The following SYNJ2 variants were observed in gnomAD, a reference collection of about 807,000 sequenced individuals.
The protein encoded by SYNJ2 is polyphosphatidylinositol phosphatase SYNJ2.
Under a neutral mutation model 141.3 loss-of-function variants are expected in SYNJ2, and 116 were observed. The ratio of observed to expected loss-of-function variants is 0.82; its 90% CI spans 0.71 to 0.96. The LOEUF (loss-of-function observed/expected upper bound fraction) is 0.96. Among genes scored for constraint, SYNJ2 ranks in the 40% least tolerant of loss-of-function variants. The probability of loss-of-function intolerance (pLI) is 0.00; values close to 1 mark genes in which losing one functional copy is unlikely to be tolerated. For synonymous variants in SYNJ2, 745 were observed against 777.7 expected, an observed-to-expected ratio of 0.96 and a Z score of 0.70; for missense variants, 1,873 against 1,934.8, an observed-to-expected ratio of 0.97 and a Z score of 0.60.
chr6:158,013,020 G>A (rs373042633), intron 1 of SYNJ2, among the ~76,000 whole-genome samples: 4 of 152,108 alleles, frequency 2.6e-5, no homozygotes, highest in African/African-American at 9.7e-5. Context: ...CCTTTTTGGG[G>A]GCACCGACCT....
At chr6:158,091,643 G>A (rs1369398768) in intron 25 of SYNJ2, among the ~76,000 whole-genome samples, 3 of 151,638 alleles carry the variant, frequency 2.0e-5, no homozygotes, top group Non-Finnish European at 2.9e-5. Context: ...CCAGTTACTC[G>A]GGAGGCTGAG....
In SYNJ2 at chr6:158,031,526, C is replaced by T. The variant is rs918254294; in HGVS notation, c.486-1929C>T. ...CACGCCAGGGCGTGGTGTTTAGGCT[C>T]AGGGTGGAGCCCCCAGAACTGACCA... On this transcript the variant is annotated intron_variant, in intron 3 of 26. Transcript: ENST00000355585. Among the ~76,000 whole-genome samples, 8 of 152,230 alleles carry T rather than the reference C, an allele frequency of 5.3e-5. No homozygotes were observed. The East Asian group carries it at 1.5e-3, about 29-fold the overall frequency.
intron 17 of SYNJ2, 61 bp from the exon 18 acceptor site, chr6:158,078,103 C>T (rs1275539247): frequency 1.2e-5 from 13 of 1,097,700 alleles, no homozygotes; most frequent in Admixed American, 3.5e-5. Flanking sequence ...GTGTCATGAT[C>T]GCATTCTTGG....
intron 2 of SYNJ2, among the ~76,000 whole-genome samples, chr6:158,024,653 C>CT (rs1167179398): frequency 1.3e-5 from 2 of 152,204 alleles, no homozygotes; most frequent in Non-Finnish European, 2.9e-5. Flanking sequence ...AGAACGCTCT[C>CT]TTTTTAAACA....
intron 15 of SYNJ2, among the ~76,000 whole-genome samples, chr6:158,072,767 A>G (rs566789864): frequency 6.6e-6 from 1 of 150,832 alleles, no homozygotes; most frequent in South Asian, 2.1e-4. Flanking sequence ...AACCCTTCTC[A>G]CTTAAAAATA....
intron 5 of SYNJ2, among the ~76,000 whole-genome samples, chr6:158,050,276 G>A (rs1780495615): frequency 6.6e-6 from 1 of 152,246 alleles, no homozygotes; most frequent in African/African-American, 2.4e-5. Flanking sequence ...CCCCACCCCT[G>A]GAGAGTCTGG....
Position 158,071,506 on chromosome 6 carries a change from C to T in SYNJ2, c.1941-96C>T, listed in dbSNP as rs1781920157. ...GATGATTTTGGAGCACTCAGAGCAG[C>T]AGGTCCCGAGCTGCTGCTGGGCCCT... is the stretch of plus-strand genomic sequence containing the variant. On this transcript the variant is annotated intron_variant, in intron 14 of 26. Coordinates refer to ENST00000355585, the MANE Select transcript of SYNJ2 (RefSeq NM_003898.4). The surrounding 1 kb of genome is among the most constrained non-coding windows in gnomAD (Gnocchi z 4.3). The T allele has an allele frequency of 3.6e-6, 5 of 1,399,234 alleles. No homozygotes were observed. The highest frequency in any genetic ancestry group is 4.9e-6 in the Non-Finnish European group (5 of 1,029,646). The allele number at this position is 1,399,234 out of a possible 1,614,324, so 86.7% of individuals were successfully genotyped here.
chr6:158,069,537 A>G lies in SYNJ2; in HGVS notation c.1804A>G (p.Thr602Ala), dbSNP rs765566402. 4.3e-6 allele frequency: 7 copies of G among 1,612,288 alleles called. No homozygotes were observed. The African/African-American group carries it at 9.3e-5, about 22-fold the overall frequency. ...SAGNIVNAST[T>A]NKKMWGEQLQ... The stretch of plus-strand genomic sequence containing the variant: ...TCCTTTCCTTTTCTCTTCCAGTACT[A>G]CCAACAAGAAGATGTGGGGTGAACA... Residue 602 changes from threonine to alanine, a missense_variant, in exon 14 of 27, where the codon ACC (threonine) becomes GCC (alanine). Thr to Ala is a moderately conservative substitution (Grantham distance 58). Transcript: ENST00000355585.
At chr6:157,988,958 C>G (rs142403562) in intron 1 of SYNJ2, among the ~76,000 whole-genome samples, 1 of 152,088 alleles carries the variant, frequency 6.6e-6, no homozygotes, top group Admixed American at 6.5e-5. Flanking sequence ...TGCTTCTTTT[C>G]GAGATCTCAC....
In SYNJ2 at chr6:158,070,052, G is replaced by T. The variant is rs934410538; in HGVS notation, c.1940+379G>T. The T allele has an allele frequency of 2.6e-6, 2 of 776,054 alleles. No individual in the cohort carries two copies. The highest frequency in any genetic ancestry group is 3.7e-5 in the African/African-American group (2 of 53,376). 48.1% of individuals were successfully genotyped at this position (776,054 alleles called of 1,614,324 possible). On this transcript the variant is annotated intron_variant, in intron 14 of 26. Coordinates refer to ENST00000355585, the MANE Select transcript of SYNJ2 (RefSeq NM_003898.4). This position sits in a 1 kb window ranked among gnomAD's most constrained non-coding sequence, Gnocchi z 4.0. Reference sequence around the variant, plus strand: ...CCAACTCTTTTGTCCCTTTTTAAAAGAATTCTAAGTAGAACGTGTGGGCCT... The same window carrying T: ...CCAACTCTTTTGTCCCTTTTTAAAATAATTCTAAGTAGAACGTGTGGGCCT...
chr6:158,028,073 T>A (rs1309352311), intron 2 of SYNJ2: 1 of 152,668 alleles, frequency 6.6e-6, no homozygotes, highest in African/African-American at 2.4e-5. Flanking sequence ...GGGTGCGAGG[T>A]CATGCTTATG....
Position 158,084,531 on chromosome 6 carries a change from G to A in SYNJ2, c.3208+357G>A, listed in dbSNP as rs535340540. On this transcript the variant is annotated intron_variant, in intron 22 of 26. Coordinates refer to ENST00000355585, the MANE Select transcript of SYNJ2 (RefSeq NM_003898.4). This position sits in a 1 kb window ranked among gnomAD's most constrained non-coding sequence, Gnocchi z 5.0. ...CAAAACTCTTCTGATTCAGCCAGGC[G>A]CAGTGGCTCACACCTGTAATCCCAG... Among the ~76,000 whole-genome samples the A allele has an allele frequency of 7.2e-5, 11 of 152,220 alleles. No homozygotes were observed. The East Asian group carries it at 9.6e-4, about 13-fold the overall frequency.
At chr6:158,009,877 C>T (rs968135246) in intron 1 of SYNJ2, among the ~76,000 whole-genome samples, 1 of 152,214 alleles carries the variant, frequency 6.6e-6, no homozygotes, top group Non-Finnish European at 1.5e-5. Flanking sequence ...AGCAGCTGCC[C>T]ACCAGCTAAT....
chr6:158,012,670 AG>A (rs1482506342), intron 1 of SYNJ2, among the ~76,000 whole-genome samples: 1 of 152,210 alleles, frequency 6.6e-6, no homozygotes, highest in Admixed American at 6.5e-5. Context: ...CTGTGTTTGT[AG>A]TCATTTGTTG....
chr6:158,080,770 G>A (rs1279119335), intron 18 of SYNJ2, among the ~76,000 whole-genome samples: 2 of 152,170 alleles, frequency 1.3e-5, no homozygotes, highest in Non-Finnish European at 2.9e-5. Context: ...TTTGCTGATG[G>A]CTGGTTATTT....
chr6:158,000,071 T>A (rs1446982013), intron 1 of SYNJ2, among the ~76,000 whole-genome samples: 2 of 43,850 alleles, frequency 4.6e-5, no homozygotes, highest in Non-Finnish European at 8.3e-5. Flanking sequence ...AGGCTTTTTT[T>A]TTTTTTTTTT....
At chr6:158,005,407 G>C (rs956698708) in intron 1 of SYNJ2, among the ~76,000 whole-genome samples, 1 of 152,034 alleles carries the variant, frequency 6.6e-6, no homozygotes, top group Admixed American at 6.5e-5. Flanking sequence ...CTGGGATGGC[G>C]ACCCTTAGAA....
intron 2 of SYNJ2, among the ~76,000 whole-genome samples, chr6:158,020,470 C>A (rs888661419): frequency 3.3e-5 from 5 of 150,594 alleles, no homozygotes; most frequent in African/African-American, 9.8e-5. Flanking sequence ...AACTGTGACT[C>A]CATCTGTATG....
chr6:158,066,231 T>C (rs939318363), intron 11 of SYNJ2, among the ~76,000 whole-genome samples: 3 of 152,186 alleles, frequency 2.0e-5, no homozygotes, highest in Admixed American at 6.5e-5. Context: ...TCCAGTCTTA[T>C]GTTTTCACGC....
Sources: allele counts gnomAD v4.1 joint callset (sites outside exome capture counted in the v4.1 genomes callset), GRCh38; gene constraint gnomAD v4.1.1; non-coding constraint Gnocchi (gnomAD v3.1); transcripts MANE v1.5; gene names NCBI Gene and HGNC (gene_info 2026-07-23, HGNC 2026-07-21).